Variants in ADGRL2 observed in about 807,000 individuals in gnomAD.
ADGRL2 encodes calcium-independent alpha-latrotoxin receptor 2.
A neutral mutation model predicts 157.4 loss-of-function variants in ADGRL2; 44 were observed. The observed-to-expected ratio is 0.28, with a 90% CI of 0.22 to 0.36. The LOEUF is 0.36. Ranked by LOEUF, ADGRL2 falls within the 10% of genes least tolerant of loss-of-function variation. The pLI, the probability that ADGRL2 is intolerant of heterozygous loss-of-function variation, is 1.00. For missense variants in ADGRL2, 1,510 were observed against 1,768.9 expected (o/e 0.85, Z 2.63); for synonymous variants, 585 against 624.7 (o/e 0.94, Z 0.95).
chr1:81,616,914 G>T (rs2081666857), intron 3 of ADGRL2, among the ~76,000 whole-genome samples: 1 of 152,130 alleles, frequency 6.6e-6, no homozygotes, highest in Admixed American at 6.5e-5. Flanking sequence ...CAGGGCTCAA[G>T]CAATCTGCCC....
At chr1:81,401,136 GT>G (rs1224991253) in intron 1 of ADGRL2, among the ~76,000 whole-genome samples, 1 of 152,176 alleles carries the variant, frequency 6.6e-6, no homozygotes, top group Admixed American at 6.5e-5. Context: ...TCAGGGCAGT[GT>G]TTCAGCTTTG....
At chr1:81,599,207 C>A (rs1440880136) in intron 3 of ADGRL2, among the ~76,000 whole-genome samples, 2 of 152,190 alleles carry the variant, frequency 1.3e-5, no homozygotes, top group Non-Finnish European at 2.9e-5. Context: ...CCTCACCACA[C>A]CCCAACACTC....
intron 1 of ADGRL2, among the ~76,000 whole-genome samples, chr1:81,344,205 A>G (rs1662294768): frequency 1.3e-5 from 2 of 152,126 alleles, no homozygotes; most frequent in Non-Finnish European, 2.9e-5. Context: ...AATAGCTTGG[A>G]TTACAGGCGC....
intron 2 of ADGRL2, among the ~76,000 whole-genome samples, chr1:81,861,558 A>C (rs795351): frequency 1 from 151,610 of 152,310 alleles, 75,463 homozygotes; most frequent in Non-Finnish European, 1. Context: ...GGTATCAATT[A>C]TAAACTATCT....
chr1:81,370,273 T>A (rs964009428), intron 1 of ADGRL2, among the ~76,000 whole-genome samples: 2 of 152,190 alleles, frequency 1.3e-5, no homozygotes, highest in African/African-American at 4.8e-5. Flanking sequence ...AACTTTGGCA[T>A]TGACCCAGAA....
intron 11 of ADGRL2, among the ~76,000 whole-genome samples, chr1:81,959,678 T>TA (rs369724532): frequency 6.6e-6 from 1 of 152,156 alleles, no homozygotes; most frequent in Non-Finnish European, 1.5e-5. Flanking sequence ...TATCACACTT[T>TA]AAAAAAATAA....
intron 2 of ADGRL2, among the ~76,000 whole-genome samples, chr1:81,888,069 C>G (rs552567862): frequency 1.4e-4 from 21 of 152,172 alleles, no homozygotes; most frequent in Admixed American, 5.2e-4. Context: ...CTGTCAAACC[C>G]ATTCAGCCTG....
rs186617034 is a variant in ADGRL2, at chr1:81,497,190, C to A, written c.-248+52101C>A. On this transcript the variant is annotated intron_variant, in intron 2 of 24. Coordinates refer to the ADGRL2 transcript ENST00000370721. ...TCTTTATTATTTCTATTTATCTGCT[C>A]CAAATGTGTCAACAAAAAGGTCTAG... is the stretch of plus-strand genomic sequence containing the variant. 9.2e-5 allele frequency among the ~76,000 whole-genome samples: 14 copies of A among 152,244 alleles called. No homozygotes were observed. The East Asian group carries it at 2.7e-3, about 29-fold the overall frequency.
intron 2 of ADGRL2, among the ~76,000 whole-genome samples, chr1:81,779,565 A>G (rs1182935117): frequency 6.6e-6 from 1 of 151,522 alleles, no homozygotes; most frequent in Non-Finnish European, 1.5e-5. Context: ...TTATAGGTCT[A>G]TTCTACCTTC....
chr1:81,733,363 A>G (rs997836637), intron 1 of ADGRL2, among the ~76,000 whole-genome samples: 1 of 152,252 alleles, frequency 6.6e-6, no homozygotes, highest in Non-Finnish European at 1.5e-5. Context: ...TCTGGAGGCT[A>G]GAAGTCTGAG....
chr1:81,457,070 A>T (rs549121610), intron 2 of ADGRL2, among the ~76,000 whole-genome samples: 4 of 152,146 alleles, frequency 2.6e-5, no homozygotes, highest in Non-Finnish European at 5.9e-5. Flanking sequence ...ATCCCCCAAT[A>T]TGGTGCTAAA....
At chr1:81,504,758 A>G (rs988723188) in intron 2 of ADGRL2, among the ~76,000 whole-genome samples, 5 of 152,160 alleles carry the variant, frequency 3.3e-5, no homozygotes, top group African/African-American at 1.2e-4. Flanking sequence ...CCCCCAGCTG[A>G]CCAGGGAGGC....
At chr1:81,711,540 TA>T (rs2083928590) in intron 1 of ADGRL2, among the ~76,000 whole-genome samples, 1 of 152,210 alleles carries the variant, frequency 6.6e-6, no homozygotes, top group African/African-American at 2.4e-5. Flanking sequence ...TGATTGTTTT[TA>T]AAAAGACATA....
chr1:81,558,908 G>A (rs1375239777), intron 2 of ADGRL2, among the ~76,000 whole-genome samples: 1 of 152,146 alleles, frequency 6.6e-6, no homozygotes, highest in Admixed American at 6.5e-5. Flanking sequence ...TCAGAGTGCA[G>A]GCATTTGAAC....
chr1:81,572,271 C>A (rs1472510939), intron 2 of ADGRL2, among the ~76,000 whole-genome samples: 6 of 152,170 alleles, frequency 3.9e-5, no homozygotes, highest in Admixed American at 3.9e-4. Flanking sequence ...GTGGTTATAT[C>A]TATAGCTTAA....
chr1:81,655,060 C>A (rs577901920), intron 3 of ADGRL2, among the ~76,000 whole-genome samples: 3 of 152,180 alleles, frequency 2.0e-5, no homozygotes, highest in Non-Finnish European at 4.4e-5. Flanking sequence ...GCCTCGCCCC[C>A]CTGCGATGGG....
chr1:81,395,582 G>C (rs892628713), intron 1 of ADGRL2, among the ~76,000 whole-genome samples: 1 of 152,094 alleles, frequency 6.6e-6, no homozygotes, highest in African/African-American at 2.4e-5. Flanking sequence ...TATTCTTGCT[G>C]TGTTTTTGAG....
At chr1:81,697,393 GTTGA>G (rs1426191560), upstream of ADGRL2, among the ~76,000 whole-genome samples, 12 of 152,258 alleles carry the variant, frequency 7.9e-5, no homozygotes, top group African/African-American at 2.9e-4. Flanking sequence ...ATTATCTAGG[GTTGA>G]TTGATTGTTG....
At chr1:81,448,398 G>T (rs561767223) in intron 2 of ADGRL2, among the ~76,000 whole-genome samples, 1 of 151,598 alleles carries the variant, frequency 6.6e-6, no homozygotes, top group Non-Finnish European at 1.5e-5. Flanking sequence ...CACCTACCTC[G>T]GCCTCCCAAA....
Sources: gnomAD v4.1 joint callset for allele counts (sites outside exome capture counted in the v4.1 genomes callset) on GRCh38, gnomAD v4.1.1 for gene constraint, MANE v1.5 for transcripts, NCBI Gene and HGNC (gene_info 2026-07-23, HGNC 2026-07-21) for gene names.